TAFA1: variants seen among roughly 807,000 people sequenced by gnomAD.
TAFA1 encodes the protein TAFA chemokine like family member 1.
Under a neutral mutation model 18.5 loss-of-function variants are expected in TAFA1, and 4 were observed. That is an observed-to-expected ratio of 0.22 (90% confidence interval 0.11 to 0.49). The LOEUF is 0.49. Ranked by LOEUF, TAFA1 falls within the 20% of genes least tolerant of loss-of-function variation. The pLI is 0.98. For synonymous variants in TAFA1, 56 were observed against 55.2 expected (o/e 1.01, Z -0.06); for missense variants, 147 against 169.0 (o/e 0.87, Z 0.72).
chr3:68,147,434 G>C (rs1471100347), intron 2 of TAFA1, among the ~76,000 whole-genome samples: 5 of 151,740 alleles, frequency 3.3e-5, no homozygotes, highest in African/African-American at 1.2e-4. Flanking sequence ...TCTGCCTCTT[G>C]TCCAGCCTAG....
intron 2 of TAFA1, among the ~76,000 whole-genome samples, chr3:68,178,739 A>G (rs1449671372): frequency 2.6e-5 from 4 of 152,274 alleles, no homozygotes; most frequent in African/African-American, 4.8e-5. Flanking sequence ...TAGCTGGGAA[A>G]AGGAGAAATG....
chr3:68,520,105 A>G (rs911476550), intron 3 of TAFA1, among the ~76,000 whole-genome samples: 1 of 152,170 alleles, frequency 6.6e-6, no homozygotes, highest in Non-Finnish European at 1.5e-5. Flanking sequence ...TTTCTTTGGG[A>G]AAAGTTGTCG....
chr3:68,006,603 C>G (rs143183949), intron 1 of TAFA1, 21 bp from the exon 2 acceptor site: 3 of 1,563,470 alleles, frequency 1.9e-6, no homozygotes, highest in Non-Finnish European at 2.6e-6. Context: ...GGTAACCTTT[C>G]CTGTCGAATG....
chr3:68,401,431 G>A lies in TAFA1; in HGVS notation c.119-15849G>A, dbSNP rs187422156. On this transcript the variant is annotated intron_variant, in intron 2 of 4. Coordinates refer to ENST00000478136, the MANE Select transcript of TAFA1 (RefSeq NM_213609.4). ...ATTCAAACTCAATCAAGAGAAAAAC[G>A]CATTGACTGGCTAAAGTTCAGCGCC... Among the ~76,000 whole-genome samples, 73 of 152,228 alleles carry A rather than the reference G, an allele frequency of 4.8e-4. 1 individual carries two copies. The South Asian group carries it at 0.014, about 29-fold the overall frequency.
At chr3:68,040,031 G>A (rs1012545894) in intron 2 of TAFA1, among the ~76,000 whole-genome samples, 2 of 152,178 alleles carry the variant, frequency 1.3e-5, no homozygotes, top group Non-Finnish European at 2.9e-5. Flanking sequence ...TCACAGACAT[G>A]CACAGTAGGA....
intron 2 of TAFA1, among the ~76,000 whole-genome samples, chr3:68,119,819 C>A (rs544609694): frequency 1.3e-5 from 2 of 152,128 alleles, no homozygotes; most frequent in Admixed American, 6.6e-5. Context: ...GACCGTCAAC[C>A]TTTTTCTTCT....
intron 2 of TAFA1, among the ~76,000 whole-genome samples, chr3:68,087,552 C>A (rs1028028702): frequency 2.8e-5 from 4 of 141,180 alleles, no homozygotes; most frequent in African/African-American, 1.0e-4. Flanking sequence ...CCTTCCCTCC[C>A]TCCTTCCCTC....
At chr3:68,311,066 G>C (rs2068508129) in intron 2 of TAFA1, among the ~76,000 whole-genome samples, 1 of 152,064 alleles carries the variant, frequency 6.6e-6, no homozygotes, top group Non-Finnish European at 1.5e-5. Flanking sequence ...TTACATGGAT[G>C]GTGGCAGGCA....
chr3:68,167,571 C>T lies in TAFA1; in HGVS notation c.118+160827C>T, dbSNP rs1373268346. Among the ~76,000 whole-genome samples, 7 of 109,096 alleles carry T rather than the reference C, an allele frequency of 6.4e-5. No individual in the cohort carries two copies. The East Asian group carries it at 1.3e-3, about 21-fold the overall frequency. The allele number at this position is 109,096 out of a possible 152,430, so 71.6% of individuals were successfully genotyped here. A position where few individuals can be genotyped will look rare whatever the true frequency, so the allele number is the denominator to read the frequency against. ...CAGCCTGGGTGACAGAGCAAGACTC[C>T]GTCTCAAAAAAAAAACAAAAAAAAC... On this transcript the variant is annotated intron_variant, in intron 2 of 4. Transcript: ENST00000478136.
At chr3:68,483,299 G>GAGTCCACA (rs11283655) in intron 3 of TAFA1, among the ~76,000 whole-genome samples, 1 of 151,340 alleles carries the variant, frequency 6.6e-6, no homozygotes, top group Admixed American at 6.6e-5. Flanking sequence ...TGTTGACCAA[G>GAGTCCACA]TATGGTCTCT....
At chr3:68,133,293 G>A (rs1010982516) in intron 2 of TAFA1, among the ~76,000 whole-genome samples, 5 of 152,076 alleles carry the variant, frequency 3.3e-5, no homozygotes, top group Non-Finnish European at 7.4e-5. Flanking sequence ...TTTGAAGTCA[G>A]GTAGCATGAT....
chr3:68,244,721 T>A (rs2067043877), intron 2 of TAFA1, among the ~76,000 whole-genome samples: 1 of 152,146 alleles, frequency 6.6e-6, no homozygotes, highest in Non-Finnish European at 1.5e-5. Context: ...AAACTACATG[T>A]CCTGCATAAA....
At chr3:68,334,782 C>T (rs1428753021) in intron 2 of TAFA1, among the ~76,000 whole-genome samples, 2 of 152,064 alleles carry the variant, frequency 1.3e-5, no homozygotes, top group East Asian at 3.9e-4. Context: ...ATGGGTTCCT[C>T]AGGGACCCAT....
At chr3:68,208,218 G>A (rs1364032238) in intron 2 of TAFA1, among the ~76,000 whole-genome samples, 1 of 151,886 alleles carries the variant, frequency 6.6e-6, no homozygotes, top group Admixed American at 6.6e-5. Context: ...TACAAACCTG[G>A]TCATTTTATT....
At chr3:68,190,188 CA>C (rs2066320738) in intron 2 of TAFA1, among the ~76,000 whole-genome samples, 1 of 151,820 alleles carries the variant, frequency 6.6e-6, no homozygotes, top group South Asian at 2.1e-4. Context: ...CATTGTCAGT[CA>C]CCAAAACTTC....
At chr3:68,389,666 T>C (rs940602065) in intron 2 of TAFA1, among the ~76,000 whole-genome samples, 6 of 152,078 alleles carry the variant, frequency 3.9e-5, no homozygotes, top group African/African-American at 1.2e-4. Flanking sequence ...GGTACCTGGC[T>C]GATCTCATTG....
chr3:68,460,183 T>C (rs1000170099), intron 3 of TAFA1, among the ~76,000 whole-genome samples: 20 of 152,064 alleles, frequency 1.3e-4, no homozygotes, highest in African/African-American at 4.8e-4. Context: ...ATAGGTGGCA[T>C]TAGTGAAGTT....
intron 2 of TAFA1, among the ~76,000 whole-genome samples, chr3:68,107,193 T>G (rs78235716): frequency 0.019 from 2,911 of 152,158 alleles, 103 homozygotes; most frequent in African/African-American, 0.067. Flanking sequence ...ACTGCAGGAA[T>G]TGGCAAATGC....
chr3:68,077,594 G>A (rs1412415866), intron 2 of TAFA1, among the ~76,000 whole-genome samples: 7 of 151,594 alleles, frequency 4.6e-5, no homozygotes, highest in Non-Finnish European at 8.8e-5. Flanking sequence ...GTTTTTCTCA[G>A]GTTTGTCAAA....
Sources: gnomAD v4.1 joint callset for allele counts (sites outside exome capture counted in the v4.1 genomes callset) on GRCh38, gnomAD v4.1.1 for gene constraint, MANE v1.5 for transcripts, NCBI Gene and HGNC (gene_info 2026-07-23, HGNC 2026-07-21) for gene names.